The following SMOC2 variants were observed in gnomAD, a reference collection of about 807,000 sequenced individuals.
SMOC2 encodes SPARC-related modular calcium-binding protein 2.
A neutral mutation model predicts 61.4 loss-of-function variants in SMOC2; 39 were observed. The ratio of observed to expected loss-of-function variants is 0.64; its 90% CI spans 0.49 to 0.83. The LOEUF is 0.83. Among genes scored for constraint, SMOC2 ranks in the 40% least tolerant of loss-of-function variants. The probability of loss-of-function intolerance (pLI) is 0.00; values close to 1 mark genes in which losing one functional copy is unlikely to be tolerated. For missense variants in SMOC2, 556 were observed against 592.9 expected (o/e 0.94, Z 0.65); for synonymous variants, 247 against 239.9 (o/e 1.03, Z -0.27).
intron 4 of SMOC2, among the ~76,000 whole-genome samples, chr6:168,534,101 T>A (rs936242837): frequency 6.6e-6 from 1 of 151,778 alleles, no homozygotes; most frequent in African/African-American, 2.4e-5. Flanking sequence ...AAAATAAAAA[T>A]TTAAAAATTT....
chr6:168,661,389 G>A (rs887275684), intron 11 of SMOC2, among the ~76,000 whole-genome samples: 3 of 152,066 alleles, frequency 2.0e-5, no homozygotes, highest in Admixed American at 6.6e-5. Flanking sequence ...AGGCCACAAG[G>A]TCAAAAGATC....
intron 9 of SMOC2, among the ~76,000 whole-genome samples, chr6:168,648,846 C>A (rs2115270640): frequency 6.6e-6 from 1 of 152,320 alleles, no homozygotes; most frequent in Admixed American, 6.5e-5. Flanking sequence ...TCACACAAAA[C>A]TCCAGTGTCA....
intron 7 of SMOC2, among the ~76,000 whole-genome samples, chr6:168,568,021 G>A (rs1465369406): frequency 6.6e-6 from 1 of 150,460 alleles, no homozygotes; most frequent in African/African-American, 2.5e-5. Context: ...TTAGAATTTA[G>A]TGCATCTTCT....
intron 7 of SMOC2, among the ~76,000 whole-genome samples, chr6:168,586,757 T>C (rs1785054210): frequency 1.3e-5 from 2 of 152,236 alleles, no homozygotes; most frequent in South Asian, 4.1e-4. Flanking sequence ...ATTTTTTTAA[T>C]ATTCCAATTA....
At chr6:168,599,648 A>G (rs1785476581) in intron 8 of SMOC2, among the ~76,000 whole-genome samples, 1 of 101,006 alleles carries the variant, frequency 9.9e-6, no homozygotes, top group Non-Finnish European at 2.1e-5. Flanking sequence ...ACCCACACAC[A>G]CTCATACCCA....
intron 9 of SMOC2, among the ~76,000 whole-genome samples, chr6:168,645,303 G>A (rs1363727870): frequency 6.6e-6 from 1 of 152,116 alleles, no homozygotes; most frequent in African/African-American, 2.4e-5. Context: ...TTTACCTTGG[G>A]GAAATGGCAC....
At chr6:168,542,696 A>C (rs1402) in intron 4 of SMOC2, among the ~76,000 whole-genome samples, 16,531 of 152,160 alleles carry the variant, frequency 0.11, 993 homozygotes, top group South Asian at 0.17. Flanking sequence ...TGGCGCCTTG[A>C]AGTTACTCCG....
At chr6:168,640,910 C>CT (rs1231455135) in intron 9 of SMOC2, among the ~76,000 whole-genome samples, 1 of 152,230 alleles carries the variant, frequency 6.6e-6, no homozygotes, top group Non-Finnish European at 1.5e-5. Flanking sequence ...TTCCTGGCAG[C>CT]TGGCTTTGCA....
intron 5 of SMOC2, among the ~76,000 whole-genome samples, chr6:168,546,195 T>G (rs1431470812): frequency 4.0e-5 from 6 of 150,146 alleles, no homozygotes; most frequent in Non-Finnish European, 7.4e-5. Context: ...TTTGCCACTT[T>G]TTCCTATATT....
At chr6:168,563,183 A>T (rs1784461474) in intron 7 of SMOC2, among the ~76,000 whole-genome samples, 1 of 152,048 alleles carries the variant, frequency 6.6e-6, no homozygotes, top group Non-Finnish European at 1.5e-5. Flanking sequence ...CCTGTGTTTA[A>T]CTCACACTGA....
At chr6:168,508,115 A>G (rs1782918056) in intron 1 of SMOC2, among the ~76,000 whole-genome samples, 1 of 151,976 alleles carries the variant, frequency 6.6e-6, no homozygotes, top group African/African-American at 2.4e-5. Flanking sequence ...CCCCTACAGC[A>G]TCTTGTGTGC....
Position 168,560,575 on chromosome 6 carries a change from C to T in SMOC2, c.637+11372C>T, listed in dbSNP as rs1284249903. Among the ~76,000 whole-genome samples the T allele has an allele frequency of 5.7e-4, 67 of 117,654 alleles. 1 individual carries two copies. The highest frequency in any genetic ancestry group is 7.7e-4 in the Non-Finnish European group (44 of 56,900). 77.2% of individuals were successfully genotyped at this position (117,654 alleles called of 152,430 possible). ...TGAGACACGAGGCTCTCACTGCATT[C>T]TTGGAGGAGGTGTCATTTTCCTGCC... On this transcript the variant is annotated intron_variant, in intron 7 of 12. Coordinates refer to ENST00000356284, the MANE Select transcript of SMOC2 (RefSeq NM_001166412.2).
chr6:168,656,554 GGA>G (rs1491209330), intron 11 of SMOC2, among the ~76,000 whole-genome samples: 1 of 104,854 alleles, frequency 9.5e-6, no homozygotes, highest in East Asian at 3.0e-4. Context: ...AAAGAGAAAA[GGA>G]AAAAAAAAAA....
intron 7 of SMOC2, among the ~76,000 whole-genome samples, chr6:168,579,027 C>T (rs1392322104): frequency 1.3e-5 from 2 of 152,192 alleles, no homozygotes; most frequent in Non-Finnish European, 2.9e-5. Context: ...TTTCAATTCT[C>T]ACAGTAATGC....
At chr6:168,659,565 G>T (rs1198100456) in intron 11 of SMOC2, among the ~76,000 whole-genome samples, 1 of 150,864 alleles carries the variant, frequency 6.6e-6, no homozygotes, top group Non-Finnish European at 1.5e-5. Context: ...GATGGAGGTT[G>T]TAGGTTGAGT....
chr6:168,598,882 T>C lies in SMOC2; in HGVS notation c.702T>C (p.Asn234=), dbSNP rs758772710. The C allele has an allele frequency of 9.8e-5, 158 of 1,613,674 alleles. No homozygotes were observed. The highest frequency in any genetic ancestry group is 1.3e-4 in the Non-Finnish European group (156 of 1,179,836). The change falls in exon 8 of 13, where the codon AAT becomes AAC. Residue 234 remains asparagine (N), a synonymous_variant. Coordinates refer to ENST00000356284, the MANE Select transcript of SMOC2 (RefSeq NM_001166412.2). The stretch of plus-strand genomic sequence containing the variant: ...AAGCCAAGCAGCCCAAGAACGACAA[T>C]GTGGTGATCCCTGAGTGTGCGCACG... ...LEEAKQPKND[N]VVIPECAHGG... is the part of the protein sequence containing the mutation.
intron 9 of SMOC2, among the ~76,000 whole-genome samples, chr6:168,615,635 G>A (rs1377589654): frequency 2.8e-3 from 286 of 100,846 alleles, no homozygotes; most frequent in East Asian, 3.2e-3. Flanking sequence ...CCAGCACAGG[G>A]CCTCTTCATA....
intron 7 of SMOC2, among the ~76,000 whole-genome samples, chr6:168,580,391 G>A (rs1256006833): frequency 6.6e-6 from 1 of 152,236 alleles, no homozygotes; most frequent in Non-Finnish European, 1.5e-5. Flanking sequence ...GAGGCTGGGA[G>A]AGGCAGGGGT....
chr6:168,547,176 CG>C lies in SMOC2; in HGVS notation c.562+11del. On this transcript the variant is annotated splice_region_variant and intron_variant, in intron 6 of 12. Coordinates refer to ENST00000356284, the MANE Select transcript of SMOC2 (RefSeq NM_001166412.2). The stretch of plus-strand genomic sequence containing the variant: ...CCTCAAGGAGATGAAGAAGGTGAGC[CG>C]GGGTGGGGATTGCACAGTCTGGGTT... 1 of 1,613,566 alleles carries C rather than the reference CG, an allele frequency of 6.2e-7. No homozygotes were observed. The highest frequency in any genetic ancestry group is 1.1e-5 in the South Asian group (1 of 91,058).
Sources: allele counts gnomAD v4.1 joint callset (sites outside exome capture counted in the v4.1 genomes callset), GRCh38; gene constraint gnomAD v4.1.1; transcripts MANE v1.5; gene names NCBI Gene and HGNC (gene_info 2026-07-23, HGNC 2026-07-21).